The following ITGB3 variants were observed in gnomAD, a reference collection of about 807,000 sequenced individuals.
ITGB3 encodes integrin subunit beta 3.
A neutral mutation model predicts 85.8 loss-of-function variants in ITGB3; 48 were observed. The ratio of observed to expected loss-of-function variants is 0.56; its 90% CI spans 0.44 to 0.71. The LOEUF (loss-of-function observed/expected upper bound fraction) is 0.71. Ranked by LOEUF, ITGB3 falls within the 30% of genes least tolerant of loss-of-function variation. The pLI, the probability that ITGB3 is intolerant of heterozygous loss-of-function variation, is 0.00. For missense variants in ITGB3, 861 were observed against 1,019.1 expected (o/e 0.84, Z 2.11); for synonymous variants, 363 against 395.6 (o/e 0.92, Z 0.98).
rs2065157739 is a variant in ITGB3 at position 47,299,420 on chromosome 17, C to T, written c.1803C>T (p.Cys601=). 6.2e-7 allele frequency: 1 copy of T among 1,614,132 alleles called. No homozygotes were observed. The highest frequency in any genetic ancestry group is 2.2e-5 in the East Asian group (1 of 44,902). ...DTCMSSNGLL[C]SGRGKCECGS... is the part of the protein sequence containing the mutation. ...GCATGTCCAGCAATGGGCTGCTGTG[C>T]AGCGGCCGCGGCAAGTGTGAATGTG... Residue 601 remains cysteine, a synonymous_variant, in exon 11 of 15, where the codon TGC becomes TGT. Coordinates refer to ENST00000559488, the MANE Select transcript of ITGB3 (RefSeq NM_000212.3). The surrounding 1 kb of genome is among the most constrained non-coding windows in gnomAD (Gnocchi z 5.1).
intron 2 of ITGB3, among the ~76,000 whole-genome samples, chr17:47,275,870 G>A (rs138292161): frequency 3.6e-3 from 545 of 152,278 alleles, no homozygotes; most frequent in African/African-American, 0.012. Flanking sequence ...GGGCATGGAT[G>A]AGACCTTCTC....
chr17:47,258,216 C>G (rs1193162856), intron 1 of ITGB3, among the ~76,000 whole-genome samples: 2 of 152,210 alleles, frequency 1.3e-5, no homozygotes, highest in African/African-American at 4.8e-5. Context: ...CTCCCTCTTC[C>G]TGAACCTTGG....
intron 1 of ITGB3, among the ~76,000 whole-genome samples, chr17:47,263,207 C>A (rs1890603836): frequency 6.6e-6 from 1 of 152,194 alleles, no homozygotes; most frequent in Admixed American, 6.5e-5. Flanking sequence ...TACCACATTT[C>A]TCAGGAGCTG....
At chr17:47,272,761 T>G (rs1184491667) in intron 1 of ITGB3, among the ~76,000 whole-genome samples, 1 of 138,770 alleles carries the variant, frequency 7.2e-6, no homozygotes, top group Non-Finnish European at 1.6e-5. Flanking sequence ...TCTCCTTCCT[T>G]CCTTTCTTTC....
intron 1 of ITGB3, among the ~76,000 whole-genome samples, chr17:47,266,460 T>C (rs188185158): frequency 1.3e-5 from 2 of 152,344 alleles, no homozygotes; most frequent in East Asian, 3.8e-4. Flanking sequence ...CTTCCATTTT[T>C]CCCACCCTTT....
chr17:47,265,869 C>T (rs1045749308), intron 1 of ITGB3, among the ~76,000 whole-genome samples: 1 of 152,094 alleles, frequency 6.6e-6, no homozygotes, highest in Non-Finnish European at 1.5e-5. Context: ...AAATATGGTG[C>T]CTGGGTTCTC....
intron 1 of ITGB3, 107 bp from the exon 2 acceptor site, chr17:47,274,312 A>C: frequency 1.1e-6 from 1 of 894,456 alleles, no homozygotes. Flanking sequence ...GTTTGTGTGC[A>C]CCTGAGAGCT....
chr17:47,287,911 CTTTTTTTTTTTTTTTTTT>C (rs60463106), intron 6 of ITGB3, among the ~76,000 whole-genome samples: 1 of 55,390 alleles, frequency 1.8e-5, no homozygotes, highest in African/African-American at 8.1e-5. Flanking sequence ...ACCACCCCTG[CTTTTTTTTTTTTTTTTTT>C]TTTTTTTTTT....
intron 1 of ITGB3, among the ~76,000 whole-genome samples, chr17:47,258,525 A>G (rs757123313): frequency 6.6e-6 from 1 of 152,164 alleles, no homozygotes; most frequent in Non-Finnish European, 1.5e-5. Flanking sequence ...ATTTTGACAA[A>G]TGCATATAGT....
At chr17:47,288,629 A>G (rs2065113424) in intron 6 of ITGB3, among the ~76,000 whole-genome samples, 1 of 152,112 alleles carries the variant, frequency 6.6e-6, no homozygotes, top group Non-Finnish European at 1.5e-5. Flanking sequence ...GGACATGTTC[A>G]CGATTCACCA....
intron 1 of ITGB3, among the ~76,000 whole-genome samples, chr17:47,256,310 TA>T (rs889405989): frequency 2.2e-4 from 33 of 151,230 alleles, no homozygotes; most frequent in African/African-American, 7.8e-4. Flanking sequence ...TACTAAAAAT[TA>T]AAAAAAAATC....
intron 4 of ITGB3, 35 bp from the exon 5 acceptor site, chr17:47,286,225 G>A: frequency 6.2e-7 from 1 of 1,612,944 alleles, no homozygotes; most frequent in South Asian, 1.1e-5. Context: ...TTTCCATGAA[G>A]GTGTCTGCTT....
rs1464374789 is a variant in ITGB3, at chr17:47,310,312, G to C, written c.*108G>C. 1.9e-6 allele frequency: 2 copies of C among 1,050,808 alleles called. No individual in the cohort carries two copies. The highest frequency in any genetic ancestry group is 3.1e-5 in the African/African-American group (2 of 64,146). The allele number at this position is 1,050,808 out of a possible 1,614,324, so 65.1% of individuals were successfully genotyped here. Reference sequence around the variant, plus strand: ...TTTGTGGGGAGGGATTTGGGGCTCAGAGTGGGGTAGGTTGGGAGAATGTCA... The same window carrying C: ...TTTGTGGGGAGGGATTTGGGGCTCACAGTGGGGTAGGTTGGGAGAATGTCA... On this transcript the variant is annotated 3_prime_UTR_variant, in exon 15 of 15. Coordinates refer to ENST00000559488, the MANE Select transcript of ITGB3 (RefSeq NM_000212.3).
rs1454517141 is a variant in ITGB3 at position 47,255,842 on chromosome 17, A to G, written c.79+1902A>G. Among the ~76,000 whole-genome samples, 4 of 152,248 alleles carry G rather than the reference A, an allele frequency of 2.6e-5. No individual in the cohort carries two copies. In the South Asian group the frequency reaches 8.3e-4, roughly 31 times the overall value. ...CTGATAGTGTTAGCGTGCAGTGAGCAGTCTGATGACTATGACACAGAAATA... is the reference window on the plus strand; with the variant it reads ...CTGATAGTGTTAGCGTGCAGTGAGCGGTCTGATGACTATGACACAGAAATA... On this transcript the variant is annotated intron_variant, in intron 1 of 14. Coordinates refer to ENST00000559488, the MANE Select transcript of ITGB3 (RefSeq NM_000212.3).
At position 47,290,863 on chromosome 17, in the gene ITGB3, G is replaced by C. The variant is rs574417426; in HGVS notation, c.1126-91G>C. 2.2e-4 allele frequency: 331 copies of C among 1,491,418 alleles called. No individual in the cohort carries two copies. In the African/African-American group the frequency reaches 3.2e-3, roughly 15 times the overall value. 92.4% of individuals were successfully genotyped at this position (1,491,418 alleles called of 1,614,324 possible). A position where few individuals can be genotyped will look rare whatever the true frequency, so the allele number is the denominator to read the frequency against. On this transcript the variant is annotated intron_variant, in intron 8 of 14. Coordinates refer to ENST00000559488, the MANE Select transcript of ITGB3 (RefSeq NM_000212.3). The stretch of plus-strand genomic sequence containing the variant: ...TGCTGGGGTGAGTCCAGAGCTACTT[G>C]CCAGATTTGGCTTGGGATGGAACTG...
At chr17:47,270,494 A>G (rs1764080897) in intron 1 of ITGB3, among the ~76,000 whole-genome samples, 1 of 152,214 alleles carries the variant, frequency 6.6e-6, no homozygotes, top group Non-Finnish European at 1.5e-5. Flanking sequence ...TGCAGGGAGA[A>G]GTCTTGGGTT....
intron 13 of ITGB3, 90 bp from the exon 14 acceptor site, chr17:47,307,381 G>A: frequency 6.9e-7 from 1 of 1,444,240 alleles, no homozygotes; most frequent in Non-Finnish European, 9.7e-7. Flanking sequence ...AAGGACCTTA[G>A]TTACTTTGTC....
chr17:47,272,665 CTTTCTTTCTTTCTTTTTT>C lies in ITGB3; in HGVS notation c.80-1738_80-1721del, dbSNP rs1192845835. Among the ~76,000 whole-genome samples the C allele has an allele frequency of 3.5e-3, 525 of 150,692 alleles. 4 individuals are homozygous for C. Among genetic ancestry groups the C allele is most frequent in the African/African-American group, 0.012 (491 of 40,974 alleles). On this transcript the variant is annotated intron_variant, in intron 1 of 14. Coordinates refer to ENST00000559488, the MANE Select transcript of ITGB3 (RefSeq NM_000212.3). ...TGCCTGTTTCCAAATTTTATGTAAT[CTTTCTTTCTTTCTTTTTT>C]TTTCTTTCTTTCTTTCCTTCTTTCT... is the stretch of plus-strand genomic sequence containing the variant.
rs1715948689 is a variant in ITGB3 at position 47,291,233 on chromosome 17, A to G, written c.1260+145A>G. 3.9e-5 allele frequency: 35 copies of G among 902,078 alleles called. No homozygotes were observed. The South Asian group carries it at 4.9e-4, about 13-fold the overall frequency. The allele number at this position is 902,078 out of a possible 1,614,324, so 55.9% of individuals were successfully genotyped here. A position where few individuals can be genotyped will look rare whatever the true frequency, so the allele number is the denominator to read the frequency against. On this transcript the variant is annotated intron_variant, in intron 9 of 14. Transcript: ENST00000559488. Reference sequence around the variant, plus strand: ...AAATACGTTTCCTGAAAGTCATTCTAAGTTAGATGTAATGGATCCACCAAT... The same window carrying G: ...AAATACGTTTCCTGAAAGTCATTCTGAGTTAGATGTAATGGATCCACCAAT...
Sources: allele counts gnomAD v4.1 joint callset (sites outside exome capture counted in the v4.1 genomes callset), GRCh38; gene constraint gnomAD v4.1.1; non-coding constraint Gnocchi (gnomAD v3.1); transcripts MANE v1.5; gene names NCBI Gene and HGNC (gene_info 2026-07-23, HGNC 2026-07-21).